SRSF1: variants seen among roughly 807,000 people sequenced by gnomAD.
The protein encoded by SRSF1 is serine and arginine rich splicing factor 1.
SRSF1 carries 1 observed loss-of-function variant against 25.9 expected under a neutral mutation model. That is an observed-to-expected ratio of 0.04 (90% CI 0.01 to 0.18). The LOEUF (loss-of-function observed/expected upper bound fraction) is 0.18. Among genes scored for constraint, SRSF1 ranks in the 10% least tolerant of loss-of-function variants. The probability of loss-of-function intolerance (pLI) is 1.00; values close to 1 mark genes in which losing one functional copy is unlikely to be tolerated. For missense variants in SRSF1, 65 were observed against 350.5 expected, an observed-to-expected ratio of 0.19 and a Z score of 6.50; for synonymous variants, 132 against 126.2, an observed-to-expected ratio of 1.05 and a Z score of -0.31.
At chr17:58,006,158 C>A in intron 2 of SRSF1, 185 bp from the exon 3 acceptor site, 1 of 955,852 alleles carries the variant, frequency 1.0e-6, no homozygotes. Flanking sequence ...ATCTTCGTAT[C>A]TAGTACCGCA....
At position 58,004,313 on chromosome 17, in the gene SRSF1, T is replaced by C. The variant is rs1251230434; in HGVS notation, c.*1093A>G. On this transcript the variant is annotated 3_prime_UTR_variant, in exon 4 of 4. Coordinates refer to ENST00000258962, the MANE Select transcript of SRSF1 (RefSeq NM_006924.5). ...CGTAATTTAAGTTTACTGGCATTGC[T>C]ACCCACCTAAGTCTAAAACTAAATC... is the stretch of plus-strand genomic sequence containing the variant. 6.6e-6 allele frequency: 1 copy of C among 152,668 alleles called. No homozygotes were observed. Among genetic ancestry groups the C allele is most frequent in the East Asian group, 1.9e-4 (1 of 5,198 alleles). The allele number at this position is 152,668 out of a possible 1,614,324, so 9.5% of individuals were successfully genotyped here.
In SRSF1 at chr17:58,004,224, A is replaced by G. The variant is rs1430640865; in HGVS notation, c.*1182T>C. Reference sequence around the variant, plus strand: ...AAGAAGCATTTTGTATTTACAGTTCAACTGATAATGCCAACACTTGTTACT... The same window carrying G: ...AAGAAGCATTTTGTATTTACAGTTCGACTGATAATGCCAACACTTGTTACT... On this transcript the variant is annotated 3_prime_UTR_variant, in exon 4 of 4. Transcript: ENST00000258962. 1 of 152,662 alleles carries G rather than the reference A, an allele frequency of 6.6e-6. No homozygotes were observed. Among genetic ancestry groups the G allele is most frequent in the Admixed American group, 6.5e-5 (1 of 15,284 alleles). The allele number at this position is 152,662 out of a possible 1,614,324, so 9.5% of individuals were successfully genotyped here. A position where few individuals can be genotyped will look rare whatever the true frequency, so the allele number is the denominator to read the frequency against.
downstream of SRSF1, among the ~76,000 whole-genome samples, chr17:57,996,256 G>A (rs987762924): frequency 2.0e-5 from 3 of 152,036 alleles, no homozygotes; most frequent in South Asian, 2.1e-4. Context: ...AGGCCGAAGC[G>A]GGCAGATCAC....
In SRSF1 at chr17:58,002,175, T is replaced by C. The variant is rs2143466656; in HGVS notation, c.*3231A>G. Among the ~76,000 whole-genome samples the C allele has an allele frequency of 6.6e-6, 1 of 152,362 alleles. No homozygotes were observed. The highest frequency in any genetic ancestry group is 1.9e-4 in the East Asian group (1 of 5,196). ...TGTCATGTAAAATTATTCAAATTTT[T>C]AAACAGTAAATCTGCCTTTTGGCCA... On this transcript the variant is annotated 3_prime_UTR_variant, in exon 4 of 4. Coordinates refer to ENST00000258962, the MANE Select transcript of SRSF1 (RefSeq NM_006924.5).
intron 1 of SRSF1, 159 bp from the exon 2 acceptor site, chr17:58,006,686 G>A: frequency 1.0e-6 from 1 of 965,398 alleles, no homozygotes; most frequent in Non-Finnish European, 1.5e-6. Flanking sequence ...AAACACGCCA[G>A]GCTCCCAACC....
At chr17:57,999,570 C>T (rs148622427), downstream of SRSF1, among the ~76,000 whole-genome samples, 19 of 152,292 alleles carry the variant, frequency 1.2e-4, no homozygotes, top group African/African-American at 4.1e-4. Flanking sequence ...CTTACCCAAA[C>T]CATCTAACTT....
At chr17:57,999,548 G>C (rs1567746463), downstream of SRSF1, among the ~76,000 whole-genome samples, 1 of 152,192 alleles carries the variant, frequency 6.6e-6, no homozygotes, top group African/African-American at 2.4e-5. Flanking sequence ...CAAAGGTAAA[G>C]TTGCAAGAAA....
chr17:57,998,256 T>TATAG (rs2075372510), downstream of SRSF1, among the ~76,000 whole-genome samples: 4 of 152,284 alleles, frequency 2.6e-5, no homozygotes, highest in African/African-American at 9.6e-5. Flanking sequence ...GGTGTTATTT[T>TATAG]ATAGTTCAAA....
chr17:58,000,205 A>G (rs910278303), downstream of SRSF1, among the ~76,000 whole-genome samples: 1 of 152,160 alleles, frequency 6.6e-6, no homozygotes, highest in Non-Finnish European at 1.5e-5. Flanking sequence ...AAGAACCCTC[A>G]GGGTTGTTAG....
chr17:57,997,460 T>C (rs753106322), downstream of SRSF1, among the ~76,000 whole-genome samples: 9 of 152,206 alleles, frequency 5.9e-5, no homozygotes, highest in Non-Finnish European at 1.2e-4. Context: ...TTGGGAAATA[T>C]AAATATATTC....
At chr17:58,000,488 GTTGTA>G (rs2075382323), downstream of SRSF1, among the ~76,000 whole-genome samples, 1 of 152,140 alleles carries the variant, frequency 6.6e-6, no homozygotes, top group Non-Finnish European at 1.5e-5. Context: ...TCAAAAGAAT[GTTGTA>G]TTGTACACTC....
downstream of SRSF1, among the ~76,000 whole-genome samples, chr17:57,998,035 G>T (rs560573658): frequency 6.6e-6 from 1 of 152,108 alleles, no homozygotes; most frequent in Non-Finnish European, 1.5e-5. Flanking sequence ...AGCCAACATA[G>T]TGAAACCCTG....
downstream of SRSF1, among the ~76,000 whole-genome samples, chr17:57,997,564 G>A (rs2075369978): frequency 6.6e-6 from 1 of 152,184 alleles, no homozygotes; most frequent in Non-Finnish European, 1.5e-5. Context: ...AATTGGAAAG[G>A]TAGAATATAA....
the SRSF1 span, chr17:57,992,595 TAA>T: frequency 6.6e-6 from 1 of 152,152 alleles, no homozygotes; most frequent in South Asian, 2.1e-4. Context: ...ACCCACCAGT[TAA>T]GAGGGATAAC....
At chr17:57,993,830 T>G in the SRSF1 span, 1 of 152,244 alleles carries the variant, frequency 6.6e-6, no homozygotes, top group African/African-American at 2.4e-5. Context: ...TCTGCTAGCT[T>G]TTTGTTTTAC....
chr17:58,006,166 G>A (rs909866071), intron 2 of SRSF1, 177 bp downstream of exon 2: 7 of 976,528 alleles, frequency 7.2e-6, no homozygotes, highest in Non-Finnish European at 1.0e-5. Flanking sequence ...ATCTAGTACC[G>A]CAACCTAATT....
rs2143488241 is a variant in SRSF1 at position 58,006,537 on chromosome 17, C to T, written c.195-10G>A. The stretch of plus-strand genomic sequence containing the variant: ...CGCGTCTTCCGCGTCTCTGCGGGAT[C>T]GCAGAAAGTAAAAGGGATGAGAAAC... On this transcript the variant is annotated splice_polypyrimidine_tract_variant and intron_variant, in intron 1 of 3. Coordinates refer to ENST00000258962, the MANE Select transcript of SRSF1 (RefSeq NM_006924.5). The T allele has an allele frequency of 1.2e-6, 2 of 1,607,740 alleles. No individual in the cohort carries two copies. Among genetic ancestry groups the T allele is most frequent in the African/African-American group, 1.3e-5 (1 of 74,860 alleles).
In SRSF1 at chr17:58,006,509, C is replaced by T. The variant is rs761611693; in HGVS notation, c.213G>A (p.Val71=). Residue 71 remains valine, a synonymous_variant, in exon 2 of 4, where the codon GTG becomes GTA. Transcript: ENST00000258962. ...FEDPRDAEDA[V]YGRDGYDYDG... is the part of the protein sequence containing the mutation. Reference sequence around the variant, plus strand: ...CGTAATCATAGCCGTCGCGACCATACACCGCGTCTTCCGCGTCTCTGCGGG... The same window carrying T: ...CGTAATCATAGCCGTCGCGACCATATACCGCGTCTTCCGCGTCTCTGCGGG... The T allele has an allele frequency of 6.2e-6, 10 of 1,612,226 alleles. No individual in the cohort carries two copies. The highest frequency in any genetic ancestry group is 8.5e-6 in the Non-Finnish European group (10 of 1,179,170).
At chr17:57,997,980 C>T (rs138362056), downstream of SRSF1, among the ~76,000 whole-genome samples, 9 of 152,066 alleles carry the variant, frequency 5.9e-5, no homozygotes, top group Non-Finnish European at 1.3e-4. Context: ...TTTGGGAGGC[C>T]GAGGCGGGCG....
Sources: gnomAD v4.1 joint callset for allele counts (sites outside exome capture counted in the v4.1 genomes callset) on GRCh38, gnomAD v4.1.1 for gene constraint, MANE v1.5 for transcripts, NCBI Gene and HGNC (gene_info 2026-07-23, HGNC 2026-07-21) for gene names.